Variants in PITPNM2 observed in about 807,000 individuals in gnomAD.
The protein encoded by PITPNM2 is membrane-associated phosphatidylinositol transfer protein 2.
In PITPNM2, 35 loss-of-function variants were observed where a neutral mutation model predicts 132.2. The ratio of observed to expected loss-of-function variants is 0.26; its 90% CI spans 0.20 to 0.35. The LOEUF is 0.35. PITPNM2 is among the 10% of genes least tolerant of loss of function. The pLI is 1.00. For synonymous variants in PITPNM2, 738 were observed against 799.2 expected (o/e 0.92, Z 1.29); for missense variants, 1,332 against 1,912.0 (o/e 0.70, Z 5.66).
intron 1 of PITPNM2, among the ~76,000 whole-genome samples, chr12:123,122,904 C>G (rs1212940633): frequency 6.6e-6 from 1 of 152,236 alleles, no homozygotes; most frequent in Non-Finnish European, 1.5e-5. Flanking sequence ...TTGAAAACCA[C>G]TGCCTCGCAC....
chr12:123,110,150 T>A (rs1407355013), intron 2 of PITPNM2, among the ~76,000 whole-genome samples: 1 of 152,106 alleles, frequency 6.6e-6, no homozygotes, highest in African/African-American at 2.4e-5. Context: ...ATATGCAGTC[T>A]CACTATGTTG....
At position 122,994,942 on chromosome 12, in the gene PITPNM2, G is replaced by T; in HGVS notation, c.2092C>A (p.Arg698Ser). The stretch of plus-strand genomic sequence containing the variant: ...AGCATGGTGGAGCTGCTGGAATGGC[G>T]TGAGCAGGGCTCAGTCCTCAGCACG... ...ASVLRTEPCS[R>S]HSSSSTMLDG... Residue 698 changes from arginine (R) to serine (S), a missense_variant, in exon 15 of 26, where the codon CGC (arginine) becomes AGC (serine). Transcript: ENST00000320201. This position sits in a 1 kb window ranked among gnomAD's most constrained non-coding sequence, Gnocchi z 5.4. 6.2e-7 allele frequency: 1 copy of T among 1,610,872 alleles called. No homozygotes were observed. Among genetic ancestry groups the T allele is most frequent in the Non-Finnish European group, 8.5e-7 (1 of 1,179,572 alleles).
intron 2 of PITPNM2, among the ~76,000 whole-genome samples, chr12:123,045,242 T>C (rs934754440): frequency 3.9e-5 from 6 of 152,148 alleles, no homozygotes; most frequent in African/African-American, 1.4e-4. Flanking sequence ...CCCTCAACTC[T>C]ACCTCCTTGG....
intron 10 of PITPNM2, 30 bp from the exon 11 acceptor site, chr12:122,997,602 C>T: frequency 6.3e-7 from 1 of 1,593,044 alleles, no homozygotes; most frequent in African/African-American, 1.3e-5. Flanking sequence ...GTGTCAGCTC[C>T]CCAGGGAACC....
chr12:123,078,306 G>C lies in PITPNM2; in HGVS notation c.-96+32079C>G, dbSNP rs955052434. 2.0e-5 allele frequency among the ~76,000 whole-genome samples: 3 copies of C among 152,296 alleles called. No individual in the cohort carries two copies. The highest frequency in any genetic ancestry group is 7.2e-5 in the African/African-American group (3 of 41,582). ...CCCCATACCAGGCCTCAGGGTCCAG[G>C]TGGCCAGGCGGGGAGGGGTACCGGC... On this transcript the variant is annotated intron_variant, in intron 2 of 25. Transcript: ENST00000320201. The surrounding 1 kb of genome is among the most constrained non-coding windows in gnomAD (Gnocchi z 7.3).
In PITPNM2 at chr12:122,992,223, G is replaced by A. The variant is rs901758083; in HGVS notation, c.2404+276C>T. 6.6e-6 allele frequency among the ~76,000 whole-genome samples: 1 copy of A among 152,130 alleles called. No individual in the cohort carries two copies. The highest frequency in any genetic ancestry group is 1.9e-4 in the East Asian group (1 of 5,186). On this transcript the variant is annotated intron_variant, in intron 16 of 25. Transcript: ENST00000320201. This position sits in a 1 kb window ranked among gnomAD's most constrained non-coding sequence, Gnocchi z 6.5. Reference sequence around the variant, plus strand: ...GCTGTGGAGAGGGGAGTCTGGTCTTGTTCTGCCCTTTCCCTGCTCCGGGGA... The same window carrying A: ...GCTGTGGAGAGGGGAGTCTGGTCTTATTCTGCCCTTTCCCTGCTCCGGGGA...
chr12:123,065,945 G>A (rs951271062), intron 2 of PITPNM2, among the ~76,000 whole-genome samples: 3 of 152,210 alleles, frequency 2.0e-5, no homozygotes, highest in Admixed American at 2.0e-4. Context: ...GAGCAAGATT[G>A]TCTTTCATTA....
intron 3 of PITPNM2, among the ~76,000 whole-genome samples, chr12:123,017,045 C>CA (rs1240479984): frequency 0.01 from 835 of 82,458 alleles, 4 homozygotes; most frequent in African/African-American, 0.033. Context: ...GACTCCATCT[C>CA]AAAAAAAAAA....
At chr12:123,142,374 C>T (rs992829986) in intron 1 of PITPNM2, among the ~76,000 whole-genome samples, 2 of 152,248 alleles carry the variant, frequency 1.3e-5, no homozygotes, top group Non-Finnish European at 2.9e-5. Flanking sequence ...AACTTTGCTT[C>T]AGCGTATTGG....
In PITPNM2 at chr12:123,005,776, G is replaced by A; in HGVS notation, c.644-228C>T. ...TAGTGGTTCTATAATTAGAGTGGAG[G>A]GGCCTCCCAAAGCAATGTGTCCGGT... On this transcript the variant is annotated intron_variant, in intron 6 of 25. Transcript: ENST00000320201. This position sits in a 1 kb window ranked among gnomAD's most constrained non-coding sequence, Gnocchi z 6.2. The A allele has an allele frequency of 1.8e-6, 1 of 563,812 alleles. No homozygotes were observed. The highest frequency in any genetic ancestry group is 3.2e-5 in the Admixed American group (1 of 31,194). 34.9% of individuals were successfully genotyped at this position (563,812 alleles called of 1,614,324 possible). A position where few individuals can be genotyped will look rare whatever the true frequency, so the allele number is the denominator to read the frequency against.
At chr12:123,021,489 A>C (rs1373528717) in intron 3 of PITPNM2, among the ~76,000 whole-genome samples, 1 of 152,130 alleles carries the variant, frequency 6.6e-6, no homozygotes, top group Non-Finnish European at 1.5e-5. Flanking sequence ...GCACCCCACC[A>C]CACCCAGCTA....
chr12:122,992,534 C>T lies in PITPNM2; in HGVS notation c.2369G>A (p.Arg790His), dbSNP rs1199062202. The T allele has an allele frequency of 5.0e-6, 8 of 1,611,252 alleles. No individual in the cohort carries two copies. Among genetic ancestry groups the T allele is most frequent in the Non-Finnish European group, 5.1e-6 (6 of 1,179,508 alleles). The change falls in exon 16 of 26, where the codon CGC becomes CAC. Residue 790 changes from arginine to histidine, a missense_variant. This residue lies in a region of PITPNM2 where 710 missense variants were observed against 911.5 expected (regional missense o/e 0.78). Coordinates refer to ENST00000320201, the MANE Select transcript of PITPNM2 (RefSeq NM_020845.3). The surrounding 1 kb of genome is among the most constrained non-coding windows in gnomAD (Gnocchi z 6.5). ...GGAGCAGCCATCCCCCAGCGGGTAG[C>T]GTTGGTAGCGGGGGACGCTGAAAGG... Reference protein sequence around the residue: ...LPPFSVPRYQRYPLGDGCSTL... With the variant: ...LPPFSVPRYQHYPLGDGCSTL...
At chr12:123,006,719 G>GTAATAATAATAATAA in intron 6 of PITPNM2, among the ~76,000 whole-genome samples, 1 of 140,112 alleles carries the variant, frequency 7.1e-6, no homozygotes, top group South Asian at 2.3e-4. Flanking sequence ...TCTCAAAATA[G>GTAATAATAATAATAA]TAATAATAAT....
At chr12:122,989,644 C>T (rs1375046122) in intron 18 of PITPNM2, 143 bp downstream of exon 18, 24 of 770,114 alleles carry the variant, frequency 3.1e-5, no homozygotes, top group Non-Finnish European at 4.1e-5. Flanking sequence ...CTCCCACCTC[C>T]TCCCTAGATG....
At position 123,146,056 on chromosome 12, in the gene PITPNM2, C is replaced by T. The variant is rs180859572; in HGVS notation, c.-200+4697G>A. ...TATTCTTAGCAAACTAATGAAAGAA[C>T]AGAAAACCAAACACCACAAGTTCTT... On this transcript the variant is annotated intron_variant, in intron 1 of 25. Coordinates refer to ENST00000320201, the MANE Select transcript of PITPNM2 (RefSeq NM_020845.3). Among the ~76,000 whole-genome samples, 384 of 152,074 alleles carry T rather than the reference C, an allele frequency of 2.5e-3. 2 individuals carry two copies. The highest frequency in any genetic ancestry group is 1.4e-3 in the Non-Finnish European group (97 of 67,978).
chr12:123,030,841 A>G (rs944082409), intron 3 of PITPNM2, among the ~76,000 whole-genome samples: 4 of 152,248 alleles, frequency 2.6e-5, no homozygotes, highest in Non-Finnish European at 4.4e-5. Flanking sequence ...ACATGCTATG[A>G]CATGGATGAA....
chr12:123,017,881 G>A (rs2039487432), intron 3 of PITPNM2, among the ~76,000 whole-genome samples: 2 of 152,282 alleles, frequency 1.3e-5, no homozygotes, highest in Admixed American at 6.5e-5. Context: ...GAAATGAAGA[G>A]TGATGCTAAT....
intron 3 of PITPNM2, among the ~76,000 whole-genome samples, chr12:123,033,400 G>A (rs1342537575): frequency 1.3e-5 from 2 of 152,222 alleles, no homozygotes; most frequent in East Asian, 3.8e-4. Flanking sequence ...GGGAGCAGTG[G>A]TCCCATCTGG....
intron 1 of PITPNM2, among the ~76,000 whole-genome samples, chr12:123,112,840 A>T (rs1173514512): frequency 6.6e-6 from 1 of 152,138 alleles, no homozygotes; most frequent in Non-Finnish European, 1.5e-5. Flanking sequence ...ACCCAGCCTA[A>T]ATCTTCAATA....
Sources: allele counts gnomAD v4.1 joint callset (sites outside exome capture counted in the v4.1 genomes callset), GRCh38; gene constraint gnomAD v4.1.1; regional missense constraint gnomAD v4.1.1; non-coding constraint Gnocchi (gnomAD v3.1); transcripts MANE v1.5; gene names NCBI Gene and HGNC (gene_info 2026-07-23, HGNC 2026-07-21).